Variants in CCDC78 observed in about 807,000 individuals in gnomAD.
The protein encoded by CCDC78 is coiled-coil domain containing 78.
Under a neutral mutation model 61.9 loss-of-function variants are expected in CCDC78, and 78 were observed. The observed-to-expected ratio is 1.26, with a 90% CI of 1.05 to 1.52. The LOEUF is 1.52. Among genes scored for constraint, CCDC78 ranks in the 40% most tolerant of loss-of-function variants. CCDC78 has a pLI of 0.00. For missense variants in CCDC78, 737 were observed against 615.5 expected, an observed-to-expected ratio of 1.20 and a Z score of -2.09; for synonymous variants, 287 against 251.9, an observed-to-expected ratio of 1.14 and a Z score of -1.32.
chr16:724,088 G>A lies in CCDC78; in HGVS notation c.1053+18C>T, dbSNP rs746753842. The A allele has an allele frequency of 7.6e-6, 12 of 1,576,614 alleles. No homozygotes were observed. Among genetic ancestry groups the A allele is most frequent in the Middle Eastern group, 1.8e-4 (1 of 5,468 alleles). ...GGGGGCACCCGGGCCTGGAGCTTCTGGGGGTCTCTAGCCTCACCTGGTCCT... is the reference window on the plus strand; with the variant it reads ...GGGGGCACCCGGGCCTGGAGCTTCTAGGGGTCTCTAGCCTCACCTGGTCCT... On this transcript the variant is annotated intron_variant, in intron 10 of 13. Coordinates refer to ENST00000345165, the MANE Select transcript of CCDC78 (RefSeq NM_001378030.1).
rs1418782154 is a variant in CCDC78, at chr16:724,391, G to T, written c.884C>A (p.Ala295Asp). 9 of 1,611,582 alleles carry T rather than the reference G, an allele frequency of 5.6e-6. No individual in the cohort carries two copies. In the Admixed American group the frequency reaches 1.5e-4, roughly 27 times the overall value. The change falls in exon 9 of 14, where the codon GCT becomes GAT. Residue 295 changes from alanine to aspartate, a missense_variant. Transcript: ENST00000345165. ...CAGCCTCTTGTGGTAGCTGCGGGCA[G>T]CCCGGGCCAGCTGCTGCTCACGGCT... The part of the protein sequence containing the change: ...HRSREQQLAR[A>D]ARSYHKRLVD...
At chr16:723,354 C>G in intron 11 of CCDC78, 193 bp from the exon 12 acceptor site, 1 of 728,556 alleles carries the variant, frequency 1.4e-6, no homozygotes, top group South Asian at 1.5e-5. Flanking sequence ...TAGGGACAGC[C>G]CGGGCCCAGG....
At position 724,922 on chromosome 16, in the gene CCDC78, T is replaced by A. The variant is rs375138705; in HGVS notation, c.628A>T (p.Thr210Ser). ...GGGCAGAGCCTCACCACAGCCTGTG[T>A]GGCCAGTCGCTGCCCGGCTGCCCTG... ...EARAAGQRLA[T>S]QAVVLCSCQG... Residue 210 changes from threonine (T) to serine (S), a missense_variant, in exon 7 of 14, where the codon ACA becomes TCA. Coordinates refer to ENST00000345165, the MANE Select transcript of CCDC78 (RefSeq NM_001378030.1). The A allele has an allele frequency of 2.1e-5, 34 of 1,604,166 alleles. No homozygotes were observed. Among genetic ancestry groups the A allele is most frequent in the Admixed American group, 1.2e-4 (7 of 58,648 alleles).
In CCDC78 at chr16:725,525, C is replaced by G; in HGVS notation, c.323G>C (p.Ser108Thr). ...CTCCACTGGGACTGCACAGCCCTGG[C>G]TGGTGCCATCTCCTCGCAGCTCCAG... ...LELELRGDGT[S>T]QGCAVPVESD... The change falls in exon 4 of 14, where the codon AGC becomes ACC. Residue 108 changes from serine to threonine, a missense_variant. Coordinates refer to ENST00000345165, the MANE Select transcript of CCDC78 (RefSeq NM_001378030.1). 1 of 1,612,306 alleles carries G rather than the reference C, an allele frequency of 6.2e-7. No homozygotes were observed. Among genetic ancestry groups the G allele is most frequent in the Non-Finnish European group, 8.5e-7 (1 of 1,179,886 alleles).
intron 1 of CCDC78, 68 bp from the exon 2 acceptor site, chr16:726,153 G>C (rs1382479244): frequency 8.4e-6 from 13 of 1,550,146 alleles, no homozygotes; most frequent in African/African-American, 2.7e-5. Flanking sequence ...CTCCCATGCA[G>C]TCACCAGTCC....
chr16:722,901 C>T lies in CCDC78; in HGVS notation c.1301+21G>A, dbSNP rs2040351955. ...CAACCAGACCAGGGCCCTGGGGTCACACCCAGCTCCCTCTGCCCACCTGCC... is the reference window on the plus strand; with the variant it reads ...CAACCAGACCAGGGCCCTGGGGTCATACCCAGCTCCCTCTGCCCACCTGCC... On this transcript the variant is annotated intron_variant, in intron 13 of 13. Coordinates refer to ENST00000345165, the MANE Select transcript of CCDC78 (RefSeq NM_001378030.1). The T allele has an allele frequency of 2.5e-6, 4 of 1,610,836 alleles. No individual in the cohort carries two copies. In the East Asian group the frequency reaches 6.7e-5, roughly 27 times the overall value.
Position 725,573 on chromosome 16 carries a change from C to A in CCDC78, c.275G>T (p.Arg92Leu), listed in dbSNP as rs766279961. The A allele has an allele frequency of 4.4e-6, 7 of 1,607,758 alleles. No individual in the cohort carries two copies. Among genetic ancestry groups the A allele is most frequent in the Non-Finnish European group, 5.9e-6 (7 of 1,177,794 alleles). The change falls in exon 4 of 14, where the codon CGG (arginine) becomes CTG (leucine). Residue 92 changes from arginine to leucine, a missense_variant. By Grantham distance (102) the Arg-to-Leu change is moderately radical (BLOSUM62 -2). Transcript: ENST00000345165. ...CAGCTCCAGTACCCGGCTCTCCAGC[C>A]GAAGGATCTGTGGGACAACTGGCAT... Reference protein sequence around the residue: ...EIFQLKSEILRLESRVLELEL... With the variant: ...EIFQLKSEILLLESRVLELEL...
chr16:725,863 G>A lies in CCDC78; in HGVS notation c.198C>T (p.Val66=), dbSNP rs753929100. The A allele has an allele frequency of 6.2e-6, 10 of 1,610,830 alleles. No homozygotes were observed. The Admixed American group carries it at 6.7e-5, about 11-fold the overall frequency. Reference sequence around the variant, plus strand: ...GGTGGTGGGTTGTGATCTGAATGTCGACCAGCTCCTTGGAGATCTGTGGGT... The same window carrying A: ...GGTGGTGGGTTGTGATCTGAATGTCAACCAGCTCCTTGGAGATCTGTGGGT... ...EQQLQISKEL[V]DIQITTHHLH... is the part of the protein sequence containing the mutation. The change falls in exon 3 of 14, where the codon GTC becomes GTT. Residue 66 remains valine (V), a synonymous_variant. Transcript: ENST00000345165.
Position 725,501 on chromosome 16 carries a change from T to G in CCDC78, c.347A>C (p.Glu116Ala), listed in dbSNP as rs1350070381. The G allele has an allele frequency of 6.2e-7, 1 of 1,612,634 alleles. No individual in the cohort carries two copies. Among genetic ancestry groups the G allele is most frequent in the Admixed American group, 1.7e-5 (1 of 60,020 alleles). The change falls in exon 4 of 14, where the codon GAG becomes GCG. Residue 116 changes from glutamate to alanine, a missense_variant. Transcript: ENST00000345165. ...TGCCCGGGGATGCCTGGGGTCAGAC[T>G]CCACTGGGACTGCACAGCCCTGGCT... is the stretch of plus-strand genomic sequence containing the variant. ...GTSQGCAVPVESDPRHPRAAA... is the reference protein window; with the variant it reads ...GTSQGCAVPVASDPRHPRAAA...
intron 11 of CCDC78, 33 bp downstream of exon 11, chr16:723,824 A>G: frequency 1.3e-6 from 2 of 1,548,282 alleles, no homozygotes; most frequent in Non-Finnish European, 8.7e-7. Context: ...CTCATCCCCC[A>G]CAGGCCTCCC....
intron 8 of CCDC78, 21 bp from the exon 9 acceptor site, chr16:724,530 C>G (rs1257837259): frequency 6.3e-7 from 1 of 1,582,442 alleles, no homozygotes; most frequent in Non-Finnish European, 8.5e-7. Context: ...CGGGCTGGGT[C>G]CGCATGGGGC....
intron 11 of CCDC78, 154 bp from the exon 12 acceptor site, chr16:723,315 C>T: frequency 2.4e-6 from 2 of 828,948 alleles, no homozygotes; most frequent in Non-Finnish European, 4.0e-6. Context: ...CCTGTGGCGC[C>T]CCCCCCAGGC....
In CCDC78 at chr16:722,905, C is replaced by T; in HGVS notation, c.1301+17G>A. 6.2e-7 allele frequency: 1 copy of T among 1,611,942 alleles called. No homozygotes were observed. The highest frequency in any genetic ancestry group is 8.5e-7 in the Non-Finnish European group (1 of 1,179,798). ...CAGACCAGGGCCCTGGGGTCACACC[C>T]AGCTCCCTCTGCCCACCTGCCCAGG... is the stretch of plus-strand genomic sequence containing the variant. On this transcript the variant is annotated intron_variant, in intron 13 of 13. Transcript: ENST00000345165.
Position 725,230 on chromosome 16 carries a change from C to T in CCDC78, c.492+7G>A, listed in dbSNP as rs1027462618. 1 of 1,608,882 alleles carries T rather than the reference C, an allele frequency of 6.2e-7. No individual in the cohort carries two copies. The highest frequency in any genetic ancestry group is 8.5e-7 in the Non-Finnish European group (1 of 1,179,956). ...CTCTCCCCTGAGCTAGGTGGCTGCA[C>T]ACTCACGCCGCTCCCCAGCCTGTGC... On this transcript the variant is annotated splice_region_variant and intron_variant, in intron 5 of 13. Transcript: ENST00000345165.
chr16:723,403 C>G lies in CCDC78; in HGVS notation c.1134-242G>C, dbSNP rs933727729. On this transcript the variant is annotated intron_variant, in intron 11 of 13. Coordinates refer to ENST00000345165, the MANE Select transcript of CCDC78 (RefSeq NM_001378030.1). ...GCTGGGGGAGGGCTAAACCACAAGG[C>G]CAGCCCAGACAGTGACTCCAGCATC... 1.3e-5 allele frequency: 9 copies of G among 699,410 alleles called. No individual in the cohort carries two copies. In the African/African-American group the frequency reaches 1.6e-4, roughly 12 times the overall value. The allele number at this position is 699,410 out of a possible 1,614,324, so 43.3% of individuals were successfully genotyped here.
chr16:723,258 G>C (rs142836462), intron 11 of CCDC78, 97 bp from the exon 12 acceptor site: 13 of 1,303,062 alleles, frequency 1.0e-5, no homozygotes, highest in Non-Finnish European at 1.2e-5. Flanking sequence ...AGAGCCGGGA[G>C]GGGACACCTG....
At chr16:726,667 C>G (rs148758017), upstream of CCDC78, 142 of 509,544 alleles carry the variant, frequency 2.8e-4, 2 homozygotes, top group South Asian at 3.7e-3. Flanking sequence ...GCGCAGCGGA[C>G]GAGCACGCGG....
At chr16:726,520 G>C (rs1335873841), upstream of CCDC78, 1 of 858,426 alleles carries the variant, frequency 1.2e-6, no homozygotes, top group Non-Finnish European at 1.7e-6. Flanking sequence ...GGGCCGGCCA[G>C]ACCGGTGGTT....
rs199858384 is a variant in CCDC78, at chr16:724,999, C to T, written c.561-10G>A. 3.0e-5 allele frequency: 48 copies of T among 1,612,254 alleles called. No individual in the cohort carries two copies. Among genetic ancestry groups the T allele is most frequent in the Non-Finnish European group, 3.7e-5 (44 of 1,179,658 alleles). ...CCGGCCCAGGGTTGCCCTGAAGACA[C>T]GGGGGTGAGGCTCAGCAGGCCCACG... On this transcript the variant is annotated splice_polypyrimidine_tract_variant and intron_variant, in intron 6 of 13. Coordinates refer to ENST00000345165, the MANE Select transcript of CCDC78 (RefSeq NM_001378030.1).
Sources: gnomAD v4.1 joint callset for allele counts on GRCh38, gnomAD v4.1.1 for gene constraint, MANE v1.5 for transcripts, NCBI Gene and HGNC (gene_info 2026-07-23, HGNC 2026-07-21) for gene names.